Variants in ARHGEF38 observed in about 807,000 individuals in gnomAD.
ARHGEF38 encodes Rho guanine nucleotide exchange factor (GEF) 38.
ARHGEF38 carries 79 observed loss-of-function variants against 79.9 expected under a neutral mutation model. The observed-to-expected ratio is 0.99, with a 90% CI of 0.82 to 1.19. The LOEUF is 1.19. Among genes scored for constraint, ARHGEF38 ranks in the 50% most tolerant of loss-of-function variants. ARHGEF38 has a pLI of 0.00. For synonymous variants in ARHGEF38, 366 were observed against 328.3 expected (o/e 1.11, Z -1.24); for missense variants, 962 against 907.2 (o/e 1.06, Z -0.78).
At chr4:105,626,532 C>T (rs932134204) in intron 3 of ARHGEF38, among the ~76,000 whole-genome samples, 1 of 152,036 alleles carries the variant, frequency 6.6e-6, no homozygotes, top group African/African-American at 2.4e-5. Flanking sequence ...ATGGTAAAAC[C>T]AGAATTTGAA....
intron 13 of ARHGEF38, among the ~76,000 whole-genome samples, chr4:105,671,273 A>G (rs937061860): frequency 6.6e-6 from 1 of 152,208 alleles, no homozygotes; most frequent in African/African-American, 2.4e-5. Context: ...CCCTCAGAGT[A>G]GAAATCATCT....
At chr4:105,654,013 A>T (rs1322545697) in intron 7 of ARHGEF38, 52 bp from the exon 8 acceptor site, 4 of 1,115,916 alleles carry the variant, frequency 3.6e-6, no homozygotes, top group Admixed American at 2.5e-5. Context: ...GTGCTATTTT[A>T]AAAAATATCT....
chr4:105,612,634 C>G (rs953802184), intron 2 of ARHGEF38, among the ~76,000 whole-genome samples: 1 of 152,120 alleles, frequency 6.6e-6, no homozygotes, highest in African/African-American at 2.4e-5. Flanking sequence ...GAGCACATAT[C>G]TCACCATATT....
At chr4:105,658,280 A>T (rs571663972) in intron 9 of ARHGEF38, among the ~76,000 whole-genome samples, 1 of 152,130 alleles carries the variant, frequency 6.6e-6, no homozygotes, top group East Asian at 1.9e-4. Flanking sequence ...GTGGTGATAC[A>T]TTCCTGTAGT....
At chr4:105,634,225 T>C (rs540352856) in intron 4 of ARHGEF38, among the ~76,000 whole-genome samples, 1 of 152,300 alleles carries the variant, frequency 6.6e-6, no homozygotes, top group South Asian at 2.1e-4. Flanking sequence ...GGAGAAATCA[T>C]ACTTGCTGCT....
chr4:105,628,656 C>A (rs908959827), intron 3 of ARHGEF38, among the ~76,000 whole-genome samples: 1 of 151,972 alleles, frequency 6.6e-6, no homozygotes, highest in Non-Finnish European at 1.5e-5. Context: ...CTTATAGGCC[C>A]CCAGAAAGCA....
chr4:105,654,068 A>G lies in ARHGEF38; in HGVS notation c.1012A>G (p.Lys338Glu), dbSNP rs1730221812. The G allele has an allele frequency of 1.4e-6, 2 of 1,465,692 alleles. No individual in the cohort carries two copies. The highest frequency in any genetic ancestry group is 4.3e-5 in the Admixed American group (2 of 46,714). The allele number at this position is 1,465,692 out of a possible 1,614,324, so 90.8% of individuals were successfully genotyped here. A position where few individuals can be genotyped will look rare whatever the true frequency, so the allele number is the denominator to read the frequency against. The change falls in exon 8 of 14, where the codon AAA (lysine) becomes GAA (glutamate). Residue 338 changes from lysine (K) to glutamate (E), a missense_variant. Transcript: ENST00000420470. ...AATAATTTCATATATATTTTAGGTT[A>G]AAGACAATACCTTTAACAGAGAAGA... ...KILTRGESQV[K>E]DNTFNREEKL...
intron 5 of ARHGEF38, among the ~76,000 whole-genome samples, chr4:105,638,278 A>G (rs1258406111): frequency 2.0e-5 from 3 of 152,170 alleles, no homozygotes; most frequent in Admixed American, 2.0e-4. Flanking sequence ...TGTAATTTCT[A>G]AAATGTTTAC....
chr4:105,646,693 A>G lies in ARHGEF38; in HGVS notation c.874+1306A>G, dbSNP rs908056539. ...TACTGGTAACTAGCATTGTTCATAA[A>G]TGCAAATAAAAAAGACACATTAATC... On this transcript the variant is annotated intron_variant, in intron 6 of 13. Transcript: ENST00000420470. Among the ~76,000 whole-genome samples, 23 of 152,308 alleles carry G rather than the reference A, an allele frequency of 1.5e-4. 1 individual carries two copies. The highest frequency in any genetic ancestry group is 1.4e-3 in the Admixed American group (21 of 15,306).
chr4:105,624,224 G>GA (rs1415756326), intron 3 of ARHGEF38, among the ~76,000 whole-genome samples: 1 of 151,880 alleles, frequency 6.6e-6, no homozygotes, highest in Non-Finnish European at 1.5e-5. Flanking sequence ...TAGTGCTTCT[G>GA]AAAAAAAATT....
rs200568523 is a variant in ARHGEF38, at chr4:105,631,006, A to G, written c.617A>G (p.Glu206Gly). 3.2e-5 allele frequency: 52 copies of G among 1,613,878 alleles called. No homozygotes were observed. The highest frequency in any genetic ancestry group is 1.3e-4 in the African/African-American group (10 of 75,054). The change falls in exon 4 of 14, where the codon GAG (glutamate) becomes GGG (glycine). Residue 206 changes from glutamate to glycine, a missense_variant. Glu to Gly is a moderately conservative substitution (Grantham distance 98). Coordinates refer to ENST00000420470, the MANE Select transcript of ARHGEF38 (RefSeq NM_001242729.2). The part of the protein sequence containing the change: ...SILESYEKEE[E>G]LKEHLSHCIQ... ...CTGGAGTCCTATGAAAAGGAAGAAG[A>G]GCTGAAGGAACATTTGAGCCACTGT...
intron 10 of ARHGEF38, among the ~76,000 whole-genome samples, chr4:105,663,685 T>C (rs1052448448): frequency 6.6e-6 from 1 of 152,180 alleles, no homozygotes; most frequent in African/African-American, 2.4e-5. Context: ...AAAACACATT[T>C]TGGGCTGGAT....
At position 105,570,709 on chromosome 4, in the gene ARHGEF38, C is replaced by A. The variant is rs547073710; in HGVS notation, c.196+17748C>A. On this transcript the variant is annotated intron_variant, in intron 1 of 13. Transcript: ENST00000420470. ...ACCTCCCACCAGGTCCCTCCCATGACACGTAGGGATTATGGGATCTACAAT... is the reference window on the plus strand; with the variant it reads ...ACCTCCCACCAGGTCCCTCCCATGAAACGTAGGGATTATGGGATCTACAAT... Among the ~76,000 whole-genome samples the A allele has an allele frequency of 5.3e-4, 81 of 152,260 alleles. 1 individual carries two copies. The highest frequency in any genetic ancestry group is 1.9e-3 in the African/African-American group (79 of 41,544).
At chr4:105,566,657 A>G (rs1725926545) in intron 1 of ARHGEF38, among the ~76,000 whole-genome samples, 1 of 151,714 alleles carries the variant, frequency 6.6e-6, no homozygotes, top group South Asian at 2.1e-4. Context: ...ACTGGGACTT[A>G]CTTATTATTT....
intron 3 of ARHGEF38, among the ~76,000 whole-genome samples, chr4:105,618,204 T>C (rs28630419): frequency 0.011 from 1,741 of 152,344 alleles, 29 homozygotes; most frequent in African/African-American, 0.04. Flanking sequence ...GTTTTAAATA[T>C]TATGGTTTAC....
chr4:105,654,282 CACCGG>C (rs1730233832), intron 8 of ARHGEF38, 113 bp downstream of exon 8: 1 of 597,140 alleles, frequency 1.7e-6, no homozygotes, highest in African/African-American at 1.9e-5. Flanking sequence ...TATGTTATGA[CACCGG>C]ATCAAAATTG....
chr4:105,653,877 C>T (rs981976809), intron 7 of ARHGEF38, among the ~76,000 whole-genome samples, 188 bp from the exon 8 acceptor site: 5 of 152,170 alleles, frequency 3.3e-5, no homozygotes, highest in African/African-American at 1.2e-4. Flanking sequence ...CTTTACTACA[C>T]TAACTGAGCA....
intron 1 of ARHGEF38, among the ~76,000 whole-genome samples, chr4:105,573,536 A>G (rs1578267370): frequency 6.6e-6 from 1 of 152,266 alleles, no homozygotes; most frequent in East Asian, 1.9e-4. Flanking sequence ...TCATTTGACC[A>G]TATATGCAAG....
At chr4:105,668,149 A>T (rs764819351) in intron 13 of ARHGEF38, among the ~76,000 whole-genome samples, 1 of 152,066 alleles carries the variant, frequency 6.6e-6, no homozygotes, top group Admixed American at 6.6e-5. Context: ...AATCTCATGT[A>T]TAATACCACA....
Sources: gnomAD v4.1 joint callset for allele counts (sites outside exome capture counted in the v4.1 genomes callset) on GRCh38, gnomAD v4.1.1 for gene constraint, MANE v1.5 for transcripts, NCBI Gene and HGNC (gene_info 2026-07-23, HGNC 2026-07-21) for gene names.